PTPRB: variants seen among roughly 807,000 people sequenced by gnomAD.
PTPRB encodes receptor-type tyrosine-protein phosphatase beta.
In PTPRB, 97 loss-of-function variants were observed where a neutral mutation model predicts 238.1. The ratio of observed to expected loss-of-function variants is 0.41; its 90% CI spans 0.35 to 0.48. The LOEUF (loss-of-function observed/expected upper bound fraction) is 0.48, where lower values mean the gene tolerates loss of function less well. Among genes scored for constraint, PTPRB ranks in the 20% least tolerant of loss-of-function variants. The pLI, the probability that PTPRB is intolerant of heterozygous loss-of-function variation, is 0.30. For missense variants in PTPRB, 2,292 were observed against 2,681.9 expected, an observed-to-expected ratio of 0.85 and a Z score of 3.21; for synonymous variants, 970 against 995.4, an observed-to-expected ratio of 0.97 and a Z score of 0.48.
Position 70,562,921 on chromosome 12 carries a change from T to G in PTPRB, c.4091A>C (p.Gln1364Pro), listed in dbSNP as rs1476833357. Residue 1364 changes from glutamine (Q) to proline (P), a missense_variant, in exon 16 of 34, where the codon CAA (glutamine) becomes CCA (proline). Coordinates refer to ENST00000334414, the MANE Select transcript of PTPRB (RefSeq NM_001109754.4). ...AATCACCATCTTGTACATTCTGCCT[T>G]GTAGCAAGTTCTGGAAAGAGAAGCT... ...VQSFSFQNLL[Q>P]GRMYKMVIVT... The G allele has an allele frequency of 1.9e-6, 3 of 1,613,904 alleles. No individual in the cohort carries two copies. Among genetic ancestry groups the G allele is most frequent in the Non-Finnish European group, 2.5e-6 (3 of 1,179,884 alleles).
intron 10 of PTPRB, among the ~76,000 whole-genome samples, chr12:70,578,781 A>G (rs1398696879): frequency 6.6e-6 from 1 of 152,200 alleles, no homozygotes; most frequent in African/African-American, 2.4e-5. Flanking sequence ...ATGAGAATCA[A>G]CCTGTGTGGC....
chr12:70,623,091 CA>C (rs780671377), intron 2 of PTPRB, among the ~76,000 whole-genome samples: 1 of 152,132 alleles, frequency 6.6e-6, no homozygotes, highest in Non-Finnish European at 1.5e-5. Flanking sequence ...AGGTTTTAAA[CA>C]AAATACCAGG....
chr12:70,527,694 A>G (rs774255694), intron 32 of PTPRB: 1 of 152,208 alleles, frequency 6.6e-6, no homozygotes, highest in Non-Finnish European at 1.5e-5. Flanking sequence ...CTGTTTGGAA[A>G]CTTGTGAAGA....
intron 25 of PTPRB, 60 bp from the exon 26 acceptor site, chr12:70,539,766 A>G (rs1874752799): frequency 6.3e-7 from 1 of 1,594,278 alleles, no homozygotes; most frequent in African/African-American, 1.3e-5. Context: ...AAGTGCCATA[A>G]CTATTCTGAC....
intron 28 of PTPRB, among the ~76,000 whole-genome samples, chr12:70,537,724 A>G (rs1003375732): frequency 3.3e-5 from 5 of 152,210 alleles, no homozygotes; most frequent in African/African-American, 1.2e-4. Context: ...CCACTGCAGT[A>G]TGCCATAGGA....
chr12:70,546,255 T>G (rs2136277771), intron 21 of PTPRB, among the ~76,000 whole-genome samples: 2 of 152,324 alleles, frequency 1.3e-5, no homozygotes, highest in South Asian at 4.1e-4. Context: ...CTGGCATTAT[T>G]CCAGTCACCT....
intron 21 of PTPRB, among the ~76,000 whole-genome samples, chr12:70,550,908 A>C (rs12229777): frequency 4.3e-4 from 64 of 147,918 alleles, no homozygotes; most frequent in Admixed American, 3.9e-3. Flanking sequence ...TTTCTTTTTT[A>C]TTTTTTAGAT....
Position 70,576,560 on chromosome 12 carries a change from A to G in PTPRB, c.2664T>C (p.Asp888=). ...LSVSWLLAPG[D]VDNYEVTLSH... ...ACAATGTTACCTCATAGTTATCCAC[A>G]TCTCCGGGCGCCAGCAGCCAGGAAA... Residue 888 remains aspartate, a synonymous_variant, in exon 11 of 34, where the codon GAT becomes GAC. Coordinates refer to ENST00000334414, the MANE Select transcript of PTPRB (RefSeq NM_001109754.4). 1 of 1,553,220 alleles carries G rather than the reference A, an allele frequency of 6.4e-7. No individual in the cohort carries two copies.
intron 32 of PTPRB, among the ~76,000 whole-genome samples, chr12:70,531,687 G>C (rs1873269242): frequency 6.6e-6 from 1 of 152,172 alleles, no homozygotes; most frequent in Admixed American, 6.5e-5. Flanking sequence ...GGAAGCACGT[G>C]GTCTTTACCA....
chr12:70,549,967 C>G lies in PTPRB; in HGVS notation c.5387+2810G>C, dbSNP rs147792776. Among the ~76,000 whole-genome samples, 4 of 152,334 alleles carry G rather than the reference C, an allele frequency of 2.6e-5. No individual in the cohort carries two copies. In the East Asian group the frequency reaches 7.7e-4, roughly 29 times the overall value. The stretch of plus-strand genomic sequence containing the variant: ...CATTTCACAAGCACATCCTTTGTGC[C>G]AGGAACTTGCCATATTGTTTTGTAA... On this transcript the variant is annotated intron_variant, in intron 21 of 33. Transcript: ENST00000334414.
chr12:70,566,050 T>G (rs1174879250), intron 15 of PTPRB, among the ~76,000 whole-genome samples: 1 of 152,040 alleles, frequency 6.6e-6, no homozygotes, highest in African/African-American at 2.4e-5. Context: ...AGGAGTGGAT[T>G]CTCCCTCTAA....
chr12:70,628,281 A>G (rs17108438), intron 2 of PTPRB, among the ~76,000 whole-genome samples: 3,984 of 152,332 alleles, frequency 0.026, 80 homozygotes, highest in South Asian at 0.11. Context: ...TGGTTGGCTG[A>G]CATTCTATAT....
rs746961891 is a variant in PTPRB at position 70,569,851 on chromosome 12, A to C, written c.3458T>G (p.Val1153Gly). The change falls in exon 14 of 34, where the codon GTT becomes GGT. Residue 1153 changes from valine to glycine, a missense_variant. Transcript: ENST00000334414. ...TVNWTPGGGD[V>G]DSYTVSAFRH... ...GAATGCCGACACCGTGTAGGAATCAACGTCTCCCCCACCAGGAGTCCAGTT... is the reference window on the plus strand; with the variant it reads ...GAATGCCGACACCGTGTAGGAATCACCGTCTCCCCCACCAGGAGTCCAGTT... 1 of 1,614,024 alleles carries C rather than the reference A, an allele frequency of 6.2e-7. No individual in the cohort carries two copies. The highest frequency in any genetic ancestry group is 1.1e-5 in the South Asian group (1 of 91,082).
intron 4 of PTPRB, among the ~76,000 whole-genome samples, chr12:70,607,693 C>T (rs764427899): frequency 2.6e-5 from 4 of 151,878 alleles, no homozygotes; most frequent in Non-Finnish European, 5.9e-5. Context: ...CCCGCCACCA[C>T]ACCAGGCGAA....
chr12:70,623,005 C>G (rs1019927671), intron 2 of PTPRB, among the ~76,000 whole-genome samples: 1 of 151,996 alleles, frequency 6.6e-6, no homozygotes, highest in African/African-American at 2.4e-5. Flanking sequence ...AAAAACTGTG[C>G]AAAATTATAT....
intron 28 of PTPRB, among the ~76,000 whole-genome samples, chr12:70,536,550 T>C (rs958691439): frequency 3.3e-5 from 5 of 152,176 alleles, no homozygotes; most frequent in Admixed American, 2.0e-4. Flanking sequence ...GTCAGAATAA[T>C]TTGGTAAGAT....
chr12:70,596,356 A>ACAC (rs745962608), intron 4 of PTPRB, 29 bp from the exon 5 acceptor site: 14 of 876,224 alleles, frequency 1.6e-5, no homozygotes, highest in African/African-American at 1.9e-5. Context: ...CACACACACA[A>ACAC]AAAAAAAAAA....
chr12:70,535,166 C>A (rs1263826377), intron 29 of PTPRB, among the ~76,000 whole-genome samples: 1 of 151,716 alleles, frequency 6.6e-6, no homozygotes, highest in Non-Finnish European at 1.5e-5. Context: ...ACAAGGAGCA[C>A]CCCTGACTCC....
intron 4 of PTPRB, among the ~76,000 whole-genome samples, chr12:70,605,355 A>G (rs951217716): frequency 1.3e-5 from 2 of 152,174 alleles, no homozygotes; most frequent in Non-Finnish European, 2.9e-5. Context: ...ATATTGGTCT[A>G]TCTATCTCTT....
Sources: allele counts gnomAD v4.1 joint callset (sites outside exome capture counted in the v4.1 genomes callset), GRCh38; gene constraint gnomAD v4.1.1; transcripts MANE v1.5; gene names NCBI Gene and HGNC (gene_info 2026-07-23, HGNC 2026-07-21).